PCDH15: variants seen among roughly 807,000 people sequenced by gnomAD.
The protein encoded by PCDH15 is protocadherin-15.
A neutral mutation model predicts 178.5 loss-of-function variants in PCDH15; 129 were observed. The ratio of observed to expected loss-of-function variants is 0.72; its 90% confidence interval spans 0.63 to 0.84. PCDH15 has a LOEUF of 0.84. Ranked by LOEUF, PCDH15 falls within the 40% of genes least tolerant of loss-of-function variation. The pLI is 0.00. For synonymous variants in PCDH15, 800 were observed against 732.0 expected, an observed-to-expected ratio of 1.09 and a Z score of -1.50; for missense variants, 2,230 against 2,099.9, an observed-to-expected ratio of 1.06 and a Z score of -1.21.
chr10:54,963,189 C>G (rs1011244531), intron 2 of PCDH15, among the ~76,000 whole-genome samples: 1 of 152,148 alleles, frequency 6.6e-6, no homozygotes, highest in Non-Finnish European at 1.5e-5. Context: ...GTAAATCAAA[C>G]TAGTATTTCT....
intron 1 of PCDH15, among the ~76,000 whole-genome samples, chr10:54,751,533 C>T (rs1267464977): frequency 2.6e-5 from 4 of 151,972 alleles, no homozygotes; most frequent in Admixed American, 6.6e-5. Flanking sequence ...TATATTGCAC[C>T]CAGAAAAAAC....
chr10:55,158,669 T>C (rs1337747808), intron 2 of PCDH15, among the ~76,000 whole-genome samples: 6 of 145,414 alleles, frequency 4.1e-5, no homozygotes, highest in Non-Finnish European at 7.5e-5. Flanking sequence ...TGGTACCTAG[T>C]AGCATGATTC....
intron 14 of PCDH15, among the ~76,000 whole-genome samples, chr10:54,146,591 A>G (rs1352694863): frequency 6.6e-6 from 1 of 151,704 alleles, no homozygotes; most frequent in African/African-American, 2.4e-5. Flanking sequence ...CAAAGTCTCA[A>G]AAAAAAGTAA....
chr10:54,699,039 C>T (rs138900663), intron 1 of PCDH15, among the ~76,000 whole-genome samples: 280 of 152,144 alleles, frequency 1.8e-3, no homozygotes, highest in African/African-American at 6.3e-3. Context: ...TCCTCCTCTT[C>T]GGAAGAGGAA....
chr10:54,774,688 T>C (rs1024197960), intron 1 of PCDH15, among the ~76,000 whole-genome samples: 4 of 152,160 alleles, frequency 2.6e-5, no homozygotes, highest in African/African-American at 9.7e-5. Context: ...GGGACCATTA[T>C]TTTCATTTAA....
At chr10:54,436,031 G>GGAGAGGAGAGGA (rs1554969675) in intron 3 of PCDH15, among the ~76,000 whole-genome samples, 6 of 34,600 alleles carry the variant, frequency 1.7e-4, no homozygotes, top group Admixed American at 4.0e-4. Context: ...GGAGAGGAGA[G>GGAGAGGAGAGGA]GAGAGAGAGA....
chr10:54,931,961 C>A (rs1837789090), intron 2 of PCDH15, among the ~76,000 whole-genome samples: 2 of 152,158 alleles, frequency 1.3e-5, no homozygotes, highest in South Asian at 4.1e-4. Context: ...TCTGCTTTCA[C>A]ACTCCACTTA....
chr10:55,235,732 C>A (rs745721737), intron 1 of PCDH15, among the ~76,000 whole-genome samples: 16 of 151,776 alleles, frequency 1.1e-4, no homozygotes, highest in Non-Finnish European at 2.4e-4. Context: ...TATGGTGAAA[C>A]CCTGTCTCTA....
At chr10:55,202,908 C>T (rs1840295262) in intron 1 of PCDH15, among the ~76,000 whole-genome samples, 1 of 152,170 alleles carries the variant, frequency 6.6e-6, no homozygotes, top group African/African-American at 2.4e-5. Flanking sequence ...TAAGGCCTCC[C>T]AGGCCATCTG....
intron 25 of PCDH15, among the ~76,000 whole-genome samples, chr10:53,921,580 C>T (rs17707690): frequency 0.073 from 11,048 of 152,124 alleles, 458 homozygotes; most frequent in East Asian, 0.1. Flanking sequence ...ATTCTCTCAC[C>T]TTCAGATGTG....
chr10:54,290,083 C>T (rs1368424959), intron 8 of PCDH15, among the ~76,000 whole-genome samples: 1 of 152,082 alleles, frequency 6.6e-6, no homozygotes, highest in East Asian at 1.9e-4. Flanking sequence ...ATCCCCAAGG[C>T]ACAAAATTGT....
intron 2 of PCDH15, among the ~76,000 whole-genome samples, chr10:54,577,848 AAATG>A (rs1185360126): frequency 0.27 from 4,336 of 16,012 alleles, 134 homozygotes; most frequent in African/African-American, 0.32. Flanking sequence ...AAGCCTAAAT[AAATG>A]AATAAATAAA....
At chr10:55,381,055 G>A (rs956661047) in intron 2 of PCDH15, among the ~76,000 whole-genome samples, 1 of 152,194 alleles carries the variant, frequency 6.6e-6, no homozygotes, top group African/African-American at 2.4e-5. Context: ...AATGTTGAGA[G>A]GCTGAGCAAT....
intron 1 of PCDH15, among the ~76,000 whole-genome samples, chr10:55,262,544 G>A (rs556896557): frequency 6.6e-6 from 1 of 152,262 alleles, no homozygotes; most frequent in South Asian, 2.1e-4. Context: ...CGGTGGAAGA[G>A]TACACTAACA....
At chr10:55,583,149 A>T (rs2132122905) in intron 2 of PCDH15, among the ~76,000 whole-genome samples, 1 of 152,294 alleles carries the variant, frequency 6.6e-6, no homozygotes, top group African/African-American at 2.4e-5. Flanking sequence ...TTAAAATGGA[A>T]TTATAAAAAT....
At chr10:54,380,503 T>C (rs951586067) in intron 3 of PCDH15, among the ~76,000 whole-genome samples, 4 of 150,328 alleles carry the variant, frequency 2.7e-5, no homozygotes, top group Non-Finnish European at 5.9e-5. Flanking sequence ...CAATATATAA[T>C]TGAGAAATTG....
At chr10:54,773,535 T>C (rs1349182124) in intron 1 of PCDH15, among the ~76,000 whole-genome samples, 2 of 152,172 alleles carry the variant, frequency 1.3e-5, no homozygotes, top group Non-Finnish European at 2.9e-5. Flanking sequence ...ATTCTCAACA[T>C]GAAATTACTT....
At chr10:55,240,827 C>G (rs1183338380) in intron 1 of PCDH15, among the ~76,000 whole-genome samples, 1 of 152,134 alleles carries the variant, frequency 6.6e-6, no homozygotes, top group Admixed American at 6.6e-5. Flanking sequence ...ACCAAGCATT[C>G]TTCAAAAGTG....
chr10:55,439,729 G>C (rs928164370), intron 2 of PCDH15, among the ~76,000 whole-genome samples: 1 of 152,126 alleles, frequency 6.6e-6, no homozygotes, highest in Admixed American at 6.5e-5. Flanking sequence ...TGATTGCTTG[G>C]TAGGTAATAG....
Sources: gnomAD v4.1 joint callset for allele counts (sites outside exome capture counted in the v4.1 genomes callset) on GRCh38, gnomAD v4.1.1 for gene constraint, MANE v1.5 for transcripts, NCBI Gene and HGNC (gene_info 2026-07-23, HGNC 2026-07-21) for gene names.